Variants in UST observed in about 807,000 individuals in gnomAD.
UST encodes uronyl 2-sulfotransferase.
Under a neutral mutation model 45.6 loss-of-function variants are expected in UST, and 21 were observed. That is an observed-to-expected ratio of 0.46 (90% CI 0.33 to 0.66). UST has a LOEUF of 0.66. Ranked by LOEUF, UST falls within the 30% of genes least tolerant of loss-of-function variation. The probability of loss-of-function intolerance (pLI) is 0.02; values close to 1 mark genes in which losing one functional copy is unlikely to be tolerated. For synonymous variants in UST, 215 were observed against 200.6 expected (o/e 1.07, Z -0.61); for missense variants, 463 against 512.4 (o/e 0.90, Z 0.93).
chr6:149,040,185 T>C (rs1776291976), intron 7 of UST, among the ~76,000 whole-genome samples: 1 of 152,250 alleles, frequency 6.6e-6, no homozygotes, highest in Admixed American at 6.5e-5. Context: ...ATTTAATAGC[T>C]TTTTAAATAA....
intron 7 of UST, among the ~76,000 whole-genome samples, chr6:149,056,165 G>A (rs1233960316): frequency 1.2e-4 from 7 of 60,550 alleles, no homozygotes; most frequent in Middle Eastern, 0.033. Flanking sequence ...TCGCTATGTC[G>A]CTGCAGTGCG....
Position 148,747,485 on chromosome 6 carries a change from G to A in UST, c.55G>A (p.Ala19Thr). The part of the protein sequence containing the change: ...GGGADPWPHG[A>T]PMGGAPPGLG... ...CGGCGCGGATCCCTGGCCCCATGGG[G>A]CCCCTATGGGGGGCGCCCCTCCGGG... The change falls in exon 1 of 8, where the codon GCC (alanine) becomes ACC (threonine). Residue 19 changes from alanine (A) to threonine (T), a missense_variant. Physicochemically the swap from Ala to Thr is moderately conservative, Grantham distance 58. Transcript: ENST00000367463. 3 of 1,496,198 alleles carry A rather than the reference G, an allele frequency of 2.0e-6. No individual in the cohort carries two copies. Among genetic ancestry groups the A allele is most frequent in the Non-Finnish European group, 2.7e-6 (3 of 1,122,666 alleles). 92.7% of individuals were successfully genotyped at this position (1,496,198 alleles called of 1,614,324 possible). A position where few individuals can be genotyped will look rare whatever the true frequency, so the allele number is the denominator to read the frequency against.
chr6:149,034,955 T>C (rs1776220674), intron 7 of UST, among the ~76,000 whole-genome samples: 1 of 151,116 alleles, frequency 6.6e-6, no homozygotes. Flanking sequence ...GTATGTGTGC[T>C]AAATATTTAG....
chr6:148,969,850 C>A (rs768736709), intron 5 of UST, among the ~76,000 whole-genome samples: 1 of 152,220 alleles, frequency 6.6e-6, no homozygotes, highest in African/African-American at 2.4e-5. Context: ...GTGTTCCCAA[C>A]AGCTGGAGAT....
chr6:148,970,817 C>A (rs1479454167), intron 5 of UST, among the ~76,000 whole-genome samples: 2 of 152,170 alleles, frequency 1.3e-5, no homozygotes, highest in Non-Finnish European at 2.9e-5. Context: ...CACACCTCTC[C>A]TTCTACCATC....
chr6:149,052,514 G>A (rs997629676), intron 7 of UST, among the ~76,000 whole-genome samples: 1 of 152,230 alleles, frequency 6.6e-6, no homozygotes, highest in African/African-American at 2.4e-5. Context: ...TGAGCTGGTC[G>A]CTAGCAGCAC....
intron 1 of UST, among the ~76,000 whole-genome samples, chr6:148,871,758 A>T (rs1229425738): frequency 6.6e-6 from 1 of 152,184 alleles, no homozygotes; most frequent in Non-Finnish European, 1.5e-5. Context: ...TTAGAGAAAG[A>T]ATTTCATTAC....
chr6:148,979,994 C>T lies in UST; in HGVS notation c.681+15431C>T, dbSNP rs116815087. 9.8e-3 allele frequency among the ~76,000 whole-genome samples: 1,498 copies of T among 152,208 alleles called. 26 individuals carry two copies. The highest frequency in any genetic ancestry group is 0.034 in the African/African-American group (1,432 of 41,532). On this transcript the variant is annotated intron_variant, in intron 5 of 7. Coordinates refer to ENST00000367463, the MANE Select transcript of UST (RefSeq NM_005715.3). ...ACTCTTTGTTTGGAATGGTGGGTTTCGTATCTGGCCCATCCCAAATGGGCT... is the reference window on the plus strand; with the variant it reads ...ACTCTTTGTTTGGAATGGTGGGTTTTGTATCTGGCCCATCCCAAATGGGCT...
At chr6:148,918,791 T>C (rs967232524) in intron 2 of UST, among the ~76,000 whole-genome samples, 2 of 152,226 alleles carry the variant, frequency 1.3e-5, no homozygotes, top group Non-Finnish European at 2.9e-5. Flanking sequence ...CTTTTTTCTT[T>C]ACTTTCCTTA....
Position 148,945,918 on chromosome 6 carries a change from C to A in UST, c.447+4484C>A, listed in dbSNP as rs544910705. On this transcript the variant is annotated intron_variant, in intron 3 of 7. Coordinates refer to ENST00000367463, the MANE Select transcript of UST (RefSeq NM_005715.3). Reference sequence around the variant, plus strand: ...CGTAACATCTGTTCTGACCCTCCAACAGCTATTCAAATTATTAAAACCTTG... The same window carrying A: ...CGTAACATCTGTTCTGACCCTCCAAAAGCTATTCAAATTATTAAAACCTTG... Among the ~76,000 whole-genome samples, 36 of 152,360 alleles carry A rather than the reference C, an allele frequency of 2.4e-4. 2 individuals carry two copies. Among genetic ancestry groups the A allele is most frequent in the Admixed American group, 1.0e-3 (16 of 15,310 alleles).
intron 5 of UST, among the ~76,000 whole-genome samples, chr6:149,000,104 A>G (rs896154650): frequency 6.6e-6 from 1 of 152,204 alleles, no homozygotes; most frequent in Admixed American, 6.5e-5. Flanking sequence ...CTGGCCAACA[A>G]GAGGGCCAGA....
intron 1 of UST, among the ~76,000 whole-genome samples, chr6:148,808,638 T>C (rs1006866377): frequency 1.3e-5 from 2 of 152,024 alleles, no homozygotes; most frequent in Non-Finnish European, 2.9e-5. Context: ...AGCGTTGGGA[T>C]ATGGGTGGAT....
intron 1 of UST, among the ~76,000 whole-genome samples, chr6:148,846,340 C>T (rs996684284): frequency 7.9e-5 from 12 of 151,894 alleles, no homozygotes; most frequent in South Asian, 4.2e-4. Flanking sequence ...AGTAAACTAT[C>T]GCAAGGACAA....
intron 1 of UST, among the ~76,000 whole-genome samples, chr6:148,814,108 A>G (rs1216562572): frequency 6.6e-6 from 1 of 152,190 alleles, no homozygotes; most frequent in Non-Finnish European, 1.5e-5. Context: ...ATAAATTGCC[A>G]TCACCAAGTT....
intron 2 of UST, among the ~76,000 whole-genome samples, chr6:148,895,374 C>T (rs147484737): frequency 5.7e-4 from 87 of 152,178 alleles, no homozygotes; most frequent in Non-Finnish European, 7.9e-4. Flanking sequence ...ACAAAGTTAC[C>T]GAAGAGAGAG....
chr6:148,755,072 A>C (rs921538124), intron 1 of UST, among the ~76,000 whole-genome samples: 2 of 152,242 alleles, frequency 1.3e-5, no homozygotes, highest in Non-Finnish European at 2.9e-5. Flanking sequence ...TTTGAACAGC[A>C]GATTATAGTA....
chr6:149,068,163 G>C (rs929921024), intron 7 of UST, among the ~76,000 whole-genome samples: 6 of 152,240 alleles, frequency 3.9e-5, no homozygotes, highest in African/African-American at 1.4e-4. Context: ...GGAGTAGTAG[G>C]CTCTAGGCCT....
intron 1 of UST, among the ~76,000 whole-genome samples, chr6:148,812,561 G>A (rs1479945326): frequency 6.6e-6 from 1 of 152,114 alleles, no homozygotes; most frequent in African/African-American, 2.4e-5. Context: ...CTCATCTGAG[G>A]GCTTCACTGG....
intron 7 of UST, among the ~76,000 whole-genome samples, chr6:149,041,918 C>T (rs1776320168): frequency 1.3e-5 from 2 of 152,180 alleles, no homozygotes; most frequent in South Asian, 4.1e-4. Flanking sequence ...ATCTAGAATA[C>T]AATATATTGA....
Sources: allele counts gnomAD v4.1 joint callset (sites outside exome capture counted in the v4.1 genomes callset), GRCh38; gene constraint gnomAD v4.1.1; transcripts MANE v1.5; gene names NCBI Gene and HGNC (gene_info 2026-07-23, HGNC 2026-07-21).